FTCDNL1: variants seen among roughly 807,000 people sequenced by gnomAD.
The protein encoded by FTCDNL1 is formiminotransferase N-terminal subdomain-containing protein.
A neutral mutation model predicts 5.9 loss-of-function variants in FTCDNL1; 11 were observed. The ratio of observed to expected loss-of-function variants is 1.87; its 90% confidence interval spans 1.18 to 3.10. FTCDNL1 has a LOEUF of 3.10. Among genes scored for constraint, FTCDNL1 ranks in the 30% most tolerant of loss-of-function variants. The pLI is 0.00. For missense variants in FTCDNL1, 115 were observed against 65.5 expected (o/e 1.76, Z -2.61); for synonymous variants, 58 against 24.8 (o/e 2.34, Z -3.99).
downstream of FTCDNL1, among the ~76,000 whole-genome samples, chr2:199,755,816 G>A (rs991373073): frequency 3.9e-5 from 6 of 152,232 alleles, no homozygotes; most frequent in South Asian, 2.1e-4. Flanking sequence ...TGTTTGCTGC[G>A]AGGATTAAGC....
chr2:199,742,889 G>A, the FTCDNL1 span, among the ~76,000 whole-genome samples: 4 of 152,224 alleles, frequency 2.6e-5, 1 homozygote, highest in African/African-American at 7.2e-5. Context: ...GTGCAGTGTA[G>A]GAGGACCACA....
At chr2:199,735,115 G>GAAAAA in the FTCDNL1 span, among the ~76,000 whole-genome samples, 378 of 81,586 alleles carry the variant, frequency 4.6e-3, 3 homozygotes, top group African/African-American at 0.011. Flanking sequence ...ACTACCTTTA[G>GAAAAA]AAAAAAAAAA....
chr2:199,721,701 ACTGT>A, the FTCDNL1 span, among the ~76,000 whole-genome samples: 1 of 152,318 alleles, frequency 6.6e-6, no homozygotes, highest in Admixed American at 6.5e-5. Flanking sequence ...GAATCACCAC[ACTGT>A]CTGCCACAAT....
chr2:199,722,667 A>G, the FTCDNL1 span, among the ~76,000 whole-genome samples: 1 of 152,114 alleles, frequency 6.6e-6, no homozygotes, highest in African/African-American at 2.4e-5. Flanking sequence ...AAGAATGTCA[A>G]TGGTAGCTTG....
the FTCDNL1 span, among the ~76,000 whole-genome samples, chr2:199,730,807 C>T: frequency 2.0e-5 from 3 of 152,264 alleles, no homozygotes; most frequent in East Asian, 5.8e-4. Context: ...GATCTAGAAC[C>T]AGGAATACCA....
chr2:199,835,182 T>C (rs975754461), intron 3 of FTCDNL1, among the ~76,000 whole-genome samples: 1 of 152,006 alleles, frequency 6.6e-6, no homozygotes, highest in Non-Finnish European at 1.5e-5. Flanking sequence ...GTCTCTAAAA[T>C]AAATAAATAA....
chr2:199,774,735 G>A (rs954279219), intron 3 of FTCDNL1, among the ~76,000 whole-genome samples: 13 of 152,122 alleles, frequency 8.5e-5, no homozygotes, highest in Non-Finnish European at 1.5e-4. Context: ...TTGCCATCCT[G>A]AAAATTATGG....
the FTCDNL1 span, among the ~76,000 whole-genome samples, chr2:199,751,658 G>A: frequency 9.3e-3 from 1,416 of 152,036 alleles, 21 homozygotes; most frequent in African/African-American, 0.032. Context: ...CTCTCTGCCC[G>A]ACTGCATGCT....
At chr2:199,773,879 G>A (rs2106297957) in intron 3 of FTCDNL1, among the ~76,000 whole-genome samples, 1 of 152,278 alleles carries the variant, frequency 6.6e-6, no homozygotes, top group African/African-American at 2.4e-5. Context: ...CATCCCTGTT[G>A]TAGTGAGGGA....
chr2:199,738,218 T>C, the FTCDNL1 span, among the ~76,000 whole-genome samples: 1 of 152,252 alleles, frequency 6.6e-6, no homozygotes, highest in Admixed American at 6.5e-5. Context: ...CCTTCTCTAG[T>C]TCATGGCTCA....
At chr2:199,741,154 C>T in the FTCDNL1 span, among the ~76,000 whole-genome samples, 2 of 152,136 alleles carry the variant, frequency 1.3e-5, no homozygotes, top group East Asian at 1.9e-4. Context: ...GTTCATCCTG[C>T]CTTGGGTATT....
downstream of FTCDNL1, among the ~76,000 whole-genome samples, chr2:199,760,202 G>T (rs968008806): frequency 1.4e-5 from 2 of 142,724 alleles, no homozygotes; most frequent in Non-Finnish European, 3.1e-5. Flanking sequence ...GATTAAATCA[G>T]AACTAAAAAA....
chr2:199,731,863 G>A, the FTCDNL1 span, among the ~76,000 whole-genome samples: 1 of 151,456 alleles, frequency 6.6e-6, no homozygotes, highest in Non-Finnish European at 1.5e-5. Context: ...ACTCCAGCCT[G>A]GGCGACAGAG....
the FTCDNL1 span, among the ~76,000 whole-genome samples, chr2:199,748,234 T>A: frequency 2.0e-5 from 3 of 152,222 alleles, no homozygotes; most frequent in African/African-American, 7.2e-5. Flanking sequence ...ATCATCCTTA[T>A]ACATACTACG....
At chr2:199,755,770 C>A (rs1366607031), downstream of FTCDNL1, among the ~76,000 whole-genome samples, 1 of 152,152 alleles carries the variant, frequency 6.6e-6, no homozygotes, top group South Asian at 2.1e-4. Context: ...TTCTGTGCCA[C>A]CATTTCCTCA....
chr2:199,765,427 AAATAATAGT>A (rs1236998865), intron 3 of FTCDNL1, among the ~76,000 whole-genome samples: 1 of 151,258 alleles, frequency 6.6e-6, no homozygotes. Flanking sequence ...GTCTATTACA[AAATAATAGT>A]AATAATATGG....
chr2:199,830,208 G>A (rs924839215), intron 3 of FTCDNL1, among the ~76,000 whole-genome samples: 5 of 151,896 alleles, frequency 3.3e-5, no homozygotes, highest in African/African-American at 2.4e-5. Flanking sequence ...ATTCTCTACC[G>A]GAAGTAATAA....
chr2:199,750,094 CT>C, the FTCDNL1 span, among the ~76,000 whole-genome samples: 1 of 151,562 alleles, frequency 6.6e-6, no homozygotes, highest in Non-Finnish European at 1.5e-5. Context: ...TGGCTCACAT[CT>C]GTGATCCCAA....
At chr2:199,820,560 A>G (rs914553286) in intron 3 of FTCDNL1, among the ~76,000 whole-genome samples, 1 of 152,262 alleles carries the variant, frequency 6.6e-6, no homozygotes, top group Non-Finnish European at 1.5e-5. Context: ...CAGCACAGAT[A>G]AAGAACATTT....
Sources: allele counts gnomAD v4.1 joint callset (sites outside exome capture counted in the v4.1 genomes callset), GRCh38; gene constraint gnomAD v4.1.1; transcripts MANE v1.5; gene names NCBI Gene and HGNC (gene_info 2026-07-23, HGNC 2026-07-21).